Variants in MAPK14 observed in about 807,000 individuals in gnomAD.
The protein encoded by MAPK14 is CSAID-binding protein.
A neutral mutation model predicts 49.6 loss-of-function variants in MAPK14; 16 were observed. The observed-to-expected ratio is 0.32, with a 90% CI of 0.22 to 0.49. The LOEUF is 0.49. Ranked by LOEUF, MAPK14 falls within the 20% of genes least tolerant of loss-of-function variation. The pLI is 0.99. For missense variants in MAPK14, 200 were observed against 441.2 expected (o/e 0.45, Z 4.90); for synonymous variants, 142 against 158.0 (o/e 0.90, Z 0.76).
chr6:36,047,295 G>A (rs1019922755), intron 1 of MAPK14, among the ~76,000 whole-genome samples: 1 of 152,154 alleles, frequency 6.6e-6, no homozygotes, highest in Admixed American at 6.5e-5. Context: ...TAGCTATGGG[G>A]TGGGATGGGG....
chr6:36,106,910 CA>C (rs11300938), intron 10 of MAPK14, among the ~76,000 whole-genome samples: 7,177 of 143,168 alleles, frequency 0.05, 426 homozygotes, highest in African/African-American at 0.14. Flanking sequence ...CTTAGGGGGA[CA>C]AAAAAAAAAC....
intron 1 of MAPK14, among the ~76,000 whole-genome samples, chr6:36,042,675 G>A (rs1463090558): frequency 4.2e-5 from 6 of 144,552 alleles, no homozygotes; most frequent in East Asian, 4.0e-4. Context: ...TTTTTTTTTC[G>A]TAGACACGAG....
chr6:36,091,006 C>A (rs986066274), intron 8 of MAPK14, among the ~76,000 whole-genome samples: 1 of 152,190 alleles, frequency 6.6e-6, no homozygotes, highest in Non-Finnish European at 1.5e-5. Context: ...TCTAGTCTAT[C>A]CTGTCTGTCA....
chr6:36,076,765 G>A, intron 8 of MAPK14, 157 bp downstream of exon 8: 1 of 475,384 alleles, frequency 2.1e-6, no homozygotes, highest in Non-Finnish European at 3.7e-6. Context: ...TGAGTAGCTT[G>A]CCTTGCCAAG....
At chr6:36,072,697 A>G (rs7772088) in intron 3 of MAPK14, among the ~76,000 whole-genome samples, 176 bp from the exon 4 acceptor site, 22,229 of 152,068 alleles carry the variant, frequency 0.15, 2,043 homozygotes, top group African/African-American at 0.27. Context: ...CCTGGGAGGC[A>G]GAGGTTGTAG....
intron 1 of MAPK14, among the ~76,000 whole-genome samples, chr6:36,046,010 G>C (rs1215360752): frequency 2.0e-5 from 3 of 151,936 alleles, no homozygotes; most frequent in Non-Finnish European, 2.9e-5. Flanking sequence ...ATTATATTAG[G>C]ATATATGAAG....
At chr6:36,072,080 G>T (rs1421601928) in intron 3 of MAPK14, among the ~76,000 whole-genome samples, 1 of 152,096 alleles carries the variant, frequency 6.6e-6, no homozygotes. Flanking sequence ...GTTAAAGTTA[G>T]AATAGTAATG....
At chr6:36,047,428 A>G (rs909530373) in intron 1 of MAPK14, among the ~76,000 whole-genome samples, 2 of 152,214 alleles carry the variant, frequency 1.3e-5, no homozygotes, top group Non-Finnish European at 2.9e-5. Flanking sequence ...AACAGGTGGA[A>G]TAATCAGTGG....
intron 1 of MAPK14, among the ~76,000 whole-genome samples, chr6:36,036,253 C>A (rs1475289011): frequency 2.7e-5 from 1 of 37,006 alleles, no homozygotes; most frequent in East Asian, 3.2e-3. Flanking sequence ...AAGAGTACAT[C>A]TCAAAAAAAA....
intron 8 of MAPK14, among the ~76,000 whole-genome samples, chr6:36,078,031 C>T (rs556419061): frequency 1.6e-4 from 24 of 152,288 alleles, no homozygotes; most frequent in African/African-American, 5.8e-4. Flanking sequence ...TTTAGTCAGT[C>T]ACAGACCTCC....
At chr6:36,088,721 C>CA (rs553619006) in intron 8 of MAPK14, among the ~76,000 whole-genome samples, 16,386 of 95,604 alleles carry the variant, frequency 0.17, 1,062 homozygotes, top group African/African-American at 0.24. Context: ...GACTCCGTCT[C>CA]AAAAAAAAAA....
intron 1 of MAPK14, among the ~76,000 whole-genome samples, chr6:36,051,159 A>G (rs985505944): frequency 6.7e-6 from 1 of 149,792 alleles, no homozygotes; most frequent in Non-Finnish European, 1.5e-5. Context: ...TCTTATTGCC[A>G]GGCTGGAGTG....
chr6:36,058,678 C>T (rs918421588), intron 2 of MAPK14, among the ~76,000 whole-genome samples: 4 of 151,962 alleles, frequency 2.6e-5, no homozygotes, highest in African/African-American at 7.3e-5. Flanking sequence ...GTGGGAGGAT[C>T]GCTTGAGGCC....
At chr6:36,030,513 C>A (rs1471731661) in intron 1 of MAPK14, among the ~76,000 whole-genome samples, 2 of 151,842 alleles carry the variant, frequency 1.3e-5, no homozygotes, top group African/African-American at 2.4e-5. Flanking sequence ...CGGTGAAACC[C>A]CGTCTCTACT....
At chr6:36,090,758 T>G (rs1453531790) in intron 8 of MAPK14, among the ~76,000 whole-genome samples, 1 of 152,130 alleles carries the variant, frequency 6.6e-6, no homozygotes, top group African/African-American at 2.4e-5. Context: ...CTCTCATTTT[T>G]AAAAAGCAGT....
At chr6:36,055,470 ATGATG>A (rs1763558294) in intron 2 of MAPK14, among the ~76,000 whole-genome samples, 1 of 152,210 alleles carries the variant, frequency 6.6e-6, no homozygotes, top group Non-Finnish European at 1.5e-5. Context: ...GCTTTGGACC[ATGATG>A]GGATAATCAT....
At chr6:36,065,667 G>T (rs1461084392) in intron 3 of MAPK14, among the ~76,000 whole-genome samples, 1 of 151,950 alleles carries the variant, frequency 6.6e-6, no homozygotes, top group East Asian at 1.9e-4. Flanking sequence ...AGATCAAAGG[G>T]TACTGGGAAC....
chr6:36,080,022 C>T (rs1252766887), intron 8 of MAPK14, among the ~76,000 whole-genome samples: 3 of 151,908 alleles, frequency 2.0e-5, no homozygotes, highest in Non-Finnish European at 4.4e-5. Context: ...TGGCTCACTA[C>T]AACCTCCGCC....
chr6:36,075,179 T>C (rs1001127456), intron 6 of MAPK14, among the ~76,000 whole-genome samples: 4 of 131,518 alleles, frequency 3.0e-5, no homozygotes, highest in African/African-American at 1.2e-4. Flanking sequence ...TGCGCCGAGA[T>C]AGTGCCACTG....
Sources: allele counts gnomAD v4.1 joint callset (sites outside exome capture counted in the v4.1 genomes callset), GRCh38; gene constraint gnomAD v4.1.1; transcripts MANE v1.5; gene names NCBI Gene and HGNC (gene_info 2026-07-23, HGNC 2026-07-21).